The following PPP3R1 variants were observed in gnomAD, a reference collection of about 807,000 sequenced individuals.
PPP3R1 encodes calcineurin subunit B type 1.
PPP3R1 carries 5 observed loss-of-function variants against 22.6 expected under a neutral mutation model. The ratio of observed to expected loss-of-function variants is 0.22; its 90% confidence interval spans 0.12 to 0.46. PPP3R1 has a LOEUF of 0.46. Among genes scored for constraint, PPP3R1 ranks in the 20% least tolerant of loss-of-function variants. The pLI, the probability that PPP3R1 is intolerant of heterozygous loss-of-function variation, is 0.99. For missense variants in PPP3R1, 61 were observed against 203.2 expected (o/e 0.30, Z 4.25); for synonymous variants, 56 against 65.2 (o/e 0.86, Z 0.68).
chr2:68,217,599 C>T (rs1315833702), intron 1 of PPP3R1, among the ~76,000 whole-genome samples: 1 of 152,006 alleles, frequency 6.6e-6, no homozygotes, highest in Non-Finnish European at 1.5e-5. Context: ...CCATTTTTCC[C>T]TGCATTGAAA....
chr2:68,183,801 T>C (rs993917916), intron 5 of PPP3R1, among the ~76,000 whole-genome samples: 1 of 152,188 alleles, frequency 6.6e-6, no homozygotes, highest in Non-Finnish European at 1.5e-5. Context: ...CCTTCAGTGT[T>C]TGGTGAGATC....
intron 2 of PPP3R1, among the ~76,000 whole-genome samples, chr2:68,192,777 T>C (rs752974411): frequency 1.3e-5 from 2 of 152,178 alleles, no homozygotes; most frequent in Non-Finnish European, 1.5e-5. Flanking sequence ...GGCTTTCTAA[T>C]ACAAAAAGTC....
intron 1 of PPP3R1, among the ~76,000 whole-genome samples, chr2:68,232,206 A>AATACG (rs59124940): frequency 3.4e-5 from 4 of 116,244 alleles, no homozygotes; most frequent in Non-Finnish European, 1.7e-5. Context: ...TATTATATAC[A>AATACG]TATTGTATAT....
chr2:68,212,471 A>G (rs996945565), intron 2 of PPP3R1, among the ~76,000 whole-genome samples: 1 of 152,362 alleles, frequency 6.6e-6, no homozygotes, highest in Non-Finnish European at 1.5e-5. Flanking sequence ...GTCTTTCTTA[A>G]GTAATAAGAC....
intron 2 of PPP3R1, among the ~76,000 whole-genome samples, chr2:68,196,646 C>T (rs1674781612): frequency 6.6e-6 from 1 of 152,068 alleles, no homozygotes; most frequent in African/African-American, 2.4e-5. Flanking sequence ...TTCTTACATA[C>T]TTTAAAGATT....
At chr2:68,247,255 C>T (rs1670255831) in intron 1 of PPP3R1, among the ~76,000 whole-genome samples, 1 of 152,168 alleles carries the variant, frequency 6.6e-6, no homozygotes, top group South Asian at 2.1e-4. Context: ...GCCTAGCCCA[C>T]CCATGATTCC....
At chr2:68,198,134 G>A in intron 2 of PPP3R1, among the ~76,000 whole-genome samples, 1 of 120,022 alleles carries the variant, frequency 8.3e-6, no homozygotes, top group Non-Finnish European at 1.6e-5. Context: ...ATGTAAACAT[G>A]TTTACATATA....
chr2:68,209,989 T>C (rs985127947), intron 2 of PPP3R1, among the ~76,000 whole-genome samples: 5 of 151,790 alleles, frequency 3.3e-5, no homozygotes, highest in Non-Finnish European at 7.4e-5. Context: ...AAAAAGGAGA[T>C]TGCTGAAACA....
chr2:68,209,089 T>C (rs1483411572), intron 2 of PPP3R1, among the ~76,000 whole-genome samples: 1 of 151,284 alleles, frequency 6.6e-6, no homozygotes, highest in Non-Finnish European at 1.5e-5. Flanking sequence ...CCGGGCGCGG[T>C]GGCTCACACC....
intron 3 of PPP3R1, among the ~76,000 whole-genome samples, 161 bp from the exon 4 acceptor site, chr2:68,187,475 A>C (rs1674569251): frequency 6.6e-6 from 1 of 152,218 alleles, no homozygotes; most frequent in Non-Finnish European, 1.5e-5. Flanking sequence ...AACCTCAACA[A>C]ACAAGGTCTC....
In PPP3R1 at chr2:68,232,126, C is replaced by T. The variant is rs868629068; in HGVS notation, c.4-14995G>A. ...AAAAAAAAATATATATATATATATA[C>T]ACACACACACACATATATATGTATA... On this transcript the variant is annotated intron_variant, in intron 1 of 5. Coordinates refer to ENST00000234310, the MANE Select transcript of PPP3R1 (RefSeq NM_000945.4). 1.6e-3 allele frequency among the ~76,000 whole-genome samples: 152 copies of T among 94,066 alleles called. 1 individual carries two copies. Among genetic ancestry groups the T allele is most frequent in the South Asian group, 2.3e-3 (5 of 2,200 alleles). The allele number at this position is 94,066 out of a possible 152,430, so 61.7% of individuals were successfully genotyped here. A position where few individuals can be genotyped will look rare whatever the true frequency, so the allele number is the denominator to read the frequency against.
At chr2:68,186,159 A>G (rs955844635) in intron 5 of PPP3R1, among the ~76,000 whole-genome samples, 1 of 152,198 alleles carries the variant, frequency 6.6e-6, no homozygotes, top group Non-Finnish European at 1.5e-5. Context: ...TTTTTAGGGC[A>G]TAAGTAGAGA....
At chr2:68,189,049 G>A (rs979352502) in intron 2 of PPP3R1, among the ~76,000 whole-genome samples, 1 of 152,180 alleles carries the variant, frequency 6.6e-6, no homozygotes, top group African/African-American at 2.4e-5. Flanking sequence ...ATGCTAAGCT[G>A]ATCACGGAGG....
chr2:68,217,146 A>G lies in PPP3R1; in HGVS notation c.4-15T>C, dbSNP rs1415000380. On this transcript the variant is annotated splice_polypyrimidine_tract_variant and intron_variant, in intron 1 of 5. Transcript: ENST00000234310. ...GCCTCATTTCCCTGGGGGGAAAGAAAGAAATAATTAGTCATAAAATAGGCA... is the reference window on the plus strand; with the variant it reads ...GCCTCATTTCCCTGGGGGGAAAGAAGGAAATAATTAGTCATAAAATAGGCA... 2.6e-6 allele frequency: 4 copies of G among 1,567,404 alleles called. No individual in the cohort carries two copies. The East Asian group carries it at 6.8e-5, about 27-fold the overall frequency.
intron 4 of PPP3R1, among the ~76,000 whole-genome samples, 188 bp from the exon 5 acceptor site, chr2:68,186,840 G>T (rs567869063): frequency 6.6e-6 from 1 of 152,322 alleles, no homozygotes; most frequent in Admixed American, 6.5e-5. Flanking sequence ...TTTTGAGACT[G>T]CCTGAGCAGA....
chr2:68,186,409 G>A (rs1357016149), intron 5 of PPP3R1, 59 bp downstream of exon 5: 6 of 1,476,358 alleles, frequency 4.1e-6, no homozygotes, highest in Middle Eastern at 2.1e-4. Flanking sequence ...CTATTAAGTG[G>A]TTTTTAAAAT....
rs200702497 is a variant in PPP3R1 at position 68,217,034 on chromosome 2, A to G, written c.43+58T>C. On this transcript the variant is annotated intron_variant, in intron 2 of 5. Coordinates refer to ENST00000234310, the MANE Select transcript of PPP3R1 (RefSeq NM_000945.4). ...GATACACACACACACACACACACAC[A>G]CACACAGAGAGAGATGAGTGAATAA... 1.4e-4 allele frequency: 174 copies of G among 1,222,976 alleles called. 1 individual carries two copies. Among genetic ancestry groups the G allele is most frequent in the African/African-American group, 2.5e-4 (12 of 48,872 alleles). 75.8% of individuals were successfully genotyped at this position (1,222,976 alleles called of 1,614,324 possible).
At chr2:68,200,759 A>G (rs952844698) in intron 2 of PPP3R1, among the ~76,000 whole-genome samples, 1 of 152,242 alleles carries the variant, frequency 6.6e-6, no homozygotes, top group South Asian at 2.1e-4. Context: ...TGGAGAAAAG[A>G]GAATAAGAGT....
intron 1 of PPP3R1, among the ~76,000 whole-genome samples, chr2:68,236,054 T>C (rs780466881): frequency 6.6e-6 from 1 of 150,378 alleles, no homozygotes; most frequent in Non-Finnish European, 1.5e-5. Context: ...TGCTGAGTTA[T>C]AAGAATTGTT....
Sources: allele counts gnomAD v4.1 joint callset (sites outside exome capture counted in the v4.1 genomes callset), GRCh38; gene constraint gnomAD v4.1.1; transcripts MANE v1.5; gene names NCBI Gene and HGNC (gene_info 2026-07-23, HGNC 2026-07-21).